Variants in DENND5B observed in about 807,000 individuals in gnomAD.
DENND5B encodes the protein DENN domain-containing protein 5B.
In DENND5B, 34 loss-of-function variants were observed where a neutral mutation model predicts 140.6. The ratio of observed to expected loss-of-function variants is 0.24; its 90% confidence interval spans 0.18 to 0.32. DENND5B has a LOEUF of 0.32. DENND5B is among the 10% of genes least tolerant of loss of function. DENND5B has a pLI of 1.00. For synonymous variants in DENND5B, 551 were observed against 562.1 expected (o/e 0.98, Z 0.28); for missense variants, 1,142 against 1,560.2 (o/e 0.73, Z 4.52).
intron 14 of DENND5B, among the ~76,000 whole-genome samples, chr12:31,404,917 G>A (rs368555746): frequency 1.3e-5 from 2 of 151,544 alleles, no homozygotes; most frequent in South Asian, 2.1e-4. Flanking sequence ...ACACCACCAC[G>A]GCCAGCTATT....
At chr12:31,411,576 C>A (rs1456609121) in intron 13 of DENND5B, among the ~76,000 whole-genome samples, 1 of 151,990 alleles carries the variant, frequency 6.6e-6, no homozygotes, top group African/African-American at 2.4e-5. Flanking sequence ...ATCTCCTGAC[C>A]TCATGATCTG....
At chr12:31,536,133 C>T (rs926976641) in intron 1 of DENND5B, among the ~76,000 whole-genome samples, 16 of 152,146 alleles carry the variant, frequency 1.1e-4, no homozygotes, top group Non-Finnish European at 8.8e-5. Context: ...GAGGCACCCC[C>T]AGAAGTCGAG....
At chr12:31,408,623 TCAA>T (rs1436472059) in intron 14 of DENND5B, among the ~76,000 whole-genome samples, 80 of 17,484 alleles carry the variant, frequency 4.6e-3, no homozygotes, top group African/African-American at 0.011. Flanking sequence ...TGAGACTCTA[TCAA>T]AAAAAAAAAA....
At chr12:31,560,918 C>T (rs1434097435) in intron 1 of DENND5B, among the ~76,000 whole-genome samples, 1 of 151,420 alleles carries the variant, frequency 6.6e-6, no homozygotes, top group Non-Finnish European at 1.5e-5. Context: ...AATATTGCAA[C>T]CAGCTCCTTT....
chr12:31,475,855 G>T (rs1333107781), intron 3 of DENND5B, among the ~76,000 whole-genome samples: 1 of 152,158 alleles, frequency 6.6e-6, no homozygotes, highest in Non-Finnish European at 1.5e-5. Flanking sequence ...CGGGTGCGGT[G>T]GCTTACACCT....
At chr12:31,586,653 G>A (rs79689450) in intron 1 of DENND5B, among the ~76,000 whole-genome samples, 1 of 152,160 alleles carries the variant, frequency 6.6e-6, no homozygotes, top group Non-Finnish European at 1.5e-5. Context: ...TAAGGTCTTA[G>A]TCTATTTAAC....
chr12:31,460,046 T>C (rs1025471536), intron 4 of DENND5B, 148 bp downstream of exon 4: 6 of 731,956 alleles, frequency 8.2e-6, no homozygotes, highest in African/African-American at 7.1e-5. Context: ...CTGCATTCTA[T>C]AGCTCAGGCT....
chr12:31,579,305 C>A (rs1292855351), intron 1 of DENND5B, among the ~76,000 whole-genome samples: 1 of 152,236 alleles, frequency 6.6e-6, no homozygotes. Context: ...CTAATACTTT[C>A]ATTCCTAGAA....
chr12:31,387,454 T>C lies in DENND5B; in HGVS notation c.*149A>G. 1 of 712,696 alleles carries C rather than the reference T, an allele frequency of 1.4e-6. No homozygotes were observed. Among genetic ancestry groups the C allele is most frequent in the Non-Finnish European group, 2.3e-6 (1 of 442,292 alleles). The allele number at this position is 712,696 out of a possible 1,614,324, so 44.1% of individuals were successfully genotyped here. A position where few individuals can be genotyped will look rare whatever the true frequency, so the allele number is the denominator to read the frequency against. The stretch of plus-strand genomic sequence containing the variant: ...GGTTCAAATGAACTACAATACAACA[T>C]TTTGCCTTGTCTGTAGAGTGAGGAT... On this transcript the variant is annotated 3_prime_UTR_variant, in exon 21 of 21. Coordinates refer to ENST00000389082, the MANE Select transcript of DENND5B (RefSeq NM_144973.4).
intron 1 of DENND5B, chr12:31,590,486 C>G (rs1950581129): frequency 1.2e-5 from 6 of 497,256 alleles, no homozygotes; most frequent in African/African-American, 2.1e-5. Context: ...AACCCAGCGC[C>G]TGGAGGCGAA....
intron 1 of DENND5B, among the ~76,000 whole-genome samples, chr12:31,538,470 T>C (rs922134239): frequency 4.6e-5 from 7 of 152,074 alleles, no homozygotes; most frequent in African/African-American, 1.7e-4. Flanking sequence ...TATAAGTGCC[T>C]ACATCAAAAA....
chr12:31,462,886 G>A lies in DENND5B; in HGVS notation c.905-2505C>T, dbSNP rs528321132. Reference sequence around the variant, plus strand: ...AGGCAGGAGAATTGCTTGAACCCAGGAGGCGGAGGTTGCAGTGAGCCGGGA... The same window carrying A: ...AGGCAGGAGAATTGCTTGAACCCAGAAGGCGGAGGTTGCAGTGAGCCGGGA... On this transcript the variant is annotated intron_variant, in intron 3 of 20. Transcript: ENST00000389082. Among the ~76,000 whole-genome samples, 577 of 152,232 alleles carry A rather than the reference G, an allele frequency of 3.8e-3. 1 individual carries two copies. The highest frequency in any genetic ancestry group is 6.8e-3 in the Non-Finnish European group (463 of 68,024).
chr12:31,395,591 TCAAAACAAAA>T (rs576069008), intron 17 of DENND5B, among the ~76,000 whole-genome samples: 4 of 151,336 alleles, frequency 2.6e-5, no homozygotes, highest in South Asian at 4.2e-4. Flanking sequence ...GAAAACTCAG[TCAAAACAAAA>T]CAAAACAAAA....
rs1321620524 is a variant in DENND5B at position 31,383,949 on chromosome 12, T to A, written c.*3654A>T. On this transcript the variant is annotated 3_prime_UTR_variant, in exon 21 of 21. Transcript: ENST00000389082. ...TAATCATTATGGTCCCAGCATTTAA[T>A]TTATTTGCAGGAAAAAAACAAATTA... 6.6e-6 allele frequency: 1 copy of A among 152,308 alleles called. No individual in the cohort carries two copies. Among genetic ancestry groups the A allele is most frequent in the Admixed American group, 6.5e-5 (1 of 15,292 alleles). The allele number at this position is 152,308 out of a possible 1,614,324, so 9.4% of individuals were successfully genotyped here.
At chr12:31,571,642 G>A (rs1949826614) in intron 1 of DENND5B, among the ~76,000 whole-genome samples, 2 of 150,890 alleles carry the variant, frequency 1.3e-5, no homozygotes, top group Non-Finnish European at 2.9e-5. Context: ...TTTTTGAGAC[G>A]GAGTTTCACT....
chr12:31,461,303 C>G (rs1945010306), intron 3 of DENND5B, among the ~76,000 whole-genome samples: 1 of 152,098 alleles, frequency 6.6e-6, no homozygotes, highest in South Asian at 2.1e-4. Context: ...CTTTCTATGT[C>G]TAACCCCTAG....
intron 1 of DENND5B, among the ~76,000 whole-genome samples, chr12:31,587,537 T>G (rs1390331125): frequency 5.7e-4 from 35 of 61,532 alleles, no homozygotes; most frequent in Admixed American, 1.1e-3. Flanking sequence ...TTTTTTTTTT[T>G]TTTTTTTTTT....
intron 11 of DENND5B, among the ~76,000 whole-genome samples, chr12:31,417,436 C>T (rs1214282827): frequency 6.6e-6 from 1 of 151,058 alleles, no homozygotes; most frequent in African/African-American, 2.4e-5. Context: ...GTTCAGAGTC[C>T]AAACTACAGT....
chr12:31,526,493 T>A (rs2139044721), intron 1 of DENND5B, among the ~76,000 whole-genome samples: 1 of 152,322 alleles, frequency 6.6e-6, no homozygotes, highest in African/African-American at 2.4e-5. Flanking sequence ...CAACCTTTCC[T>A]TCCTTTAGAA....
Sources: gnomAD v4.1 joint callset for allele counts (sites outside exome capture counted in the v4.1 genomes callset) on GRCh38, gnomAD v4.1.1 for gene constraint, MANE v1.5 for transcripts, NCBI Gene and HGNC (gene_info 2026-07-23, HGNC 2026-07-21) for gene names.